SNTB2: variants seen among roughly 807,000 people sequenced by gnomAD.
The protein encoded by SNTB2 is beta-2-syntrophin.
Under a neutral mutation model 46.2 loss-of-function variants are expected in SNTB2, and 34 were observed. The observed-to-expected ratio is 0.74, with a 90% CI of 0.56 to 0.98. The LOEUF is 0.98. SNTB2 is among the 50% of genes least tolerant of loss of function. SNTB2 has a pLI of 0.00. For missense variants in SNTB2, 603 were observed against 731.4 expected (o/e 0.82, Z 2.02); for synonymous variants, 290 against 312.6 (o/e 0.93, Z 0.76).
chr16:69,250,248 C>A (rs888555553), intron 2 of SNTB2, among the ~76,000 whole-genome samples: 1 of 152,100 alleles, frequency 6.6e-6, no homozygotes, highest in Non-Finnish European at 1.5e-5. Flanking sequence ...AAAAAATATG[C>A]ATAACTTTGG....
chr16:69,209,405 C>G (rs1182868274), intron 1 of SNTB2, among the ~76,000 whole-genome samples: 2 of 152,136 alleles, frequency 1.3e-5, no homozygotes, highest in Non-Finnish European at 1.5e-5. Flanking sequence ...TTACTATAAG[C>G]TTGGTATGTT....
intron 5 of SNTB2, among the ~76,000 whole-genome samples, chr16:69,296,944 G>A (rs771449867): frequency 1.3e-5 from 2 of 151,476 alleles, no homozygotes; most frequent in Non-Finnish European, 2.9e-5. Flanking sequence ...GGAGGTTGCA[G>A]GGAGCCGAGG....
In SNTB2 at chr16:69,245,805, C is replaced by G. The variant is rs749391369; in HGVS notation, c.784C>G (p.Leu262Val). 6.2e-7 allele frequency: 1 copy of G among 1,613,970 alleles called. No individual in the cohort carries two copies. The highest frequency in any genetic ancestry group is 2.2e-5 in the East Asian group (1 of 44,874). Residue 262 changes from leucine to valine, a missense_variant, in exon 2 of 7, where the codon CTG (leucine) becomes GTG (valine). Physicochemically the swap from Leu to Val is conservative, Grantham distance 32. Coordinates refer to ENST00000336278, the MANE Select transcript of SNTB2 (RefSeq NM_006750.4). ...FAARNLSMPD[L>V]ENRLIELHSP... ...TGCTAGAAACCTAAGCATGCCGGAT[C>G]TGGAAAACAGGTGAGGTGTACCTAA...
chr16:69,201,537 A>T (rs561954843), intron 1 of SNTB2, among the ~76,000 whole-genome samples: 1 of 152,286 alleles, frequency 6.6e-6, no homozygotes, highest in East Asian at 1.9e-4. Context: ...TTTATGAAAG[A>T]GATGTGTGTT....
intron 4 of SNTB2, among the ~76,000 whole-genome samples, chr16:69,275,027 T>C (rs1597196045): frequency 6.6e-6 from 1 of 151,640 alleles, no homozygotes; most frequent in South Asian, 2.1e-4. Context: ...TCCCTTTCCT[T>C]TTCCTTTCTT....
Position 69,224,862 on chromosome 16 carries a change from A to G in SNTB2, c.581-20740A>G, listed in dbSNP as rs143496985. On this transcript the variant is annotated intron_variant, in intron 1 of 6. Transcript: ENST00000336278. Reference sequence around the variant, plus strand: ...TTTTGTTTTTATTACTTTTTCATTAAGAAAATTAATAAAACAAATTATCAG... The same window carrying G: ...TTTTGTTTTTATTACTTTTTCATTAGGAAAATTAATAAAACAAATTATCAG... Among the ~76,000 whole-genome samples the G allele has an allele frequency of 3.9e-5, 6 of 152,318 alleles. No homozygotes were observed. The East Asian group carries it at 1.2e-3, about 29-fold the overall frequency.
rs190790764 is a variant in SNTB2, at chr16:69,263,300, G to A, written c.1005+3040G>A. Among the ~76,000 whole-genome samples, 528 of 151,960 alleles carry A rather than the reference G, an allele frequency of 3.5e-3. 2 individuals carry two copies. The highest frequency in any genetic ancestry group is 4.6e-3 in the Non-Finnish European group (316 of 67,960). On this transcript the variant is annotated intron_variant, in intron 3 of 6. Transcript: ENST00000336278. ...TTTAAAATTATTTTTTGTAGAGATA[G>A]GATCTCACTGTGTTGCCCAGGCTGG... is the stretch of plus-strand genomic sequence containing the variant.
chr16:69,262,368 C>T (rs1047371840), intron 3 of SNTB2, among the ~76,000 whole-genome samples: 57 of 151,272 alleles, frequency 3.8e-4, no homozygotes, highest in African/African-American at 1.1e-3. Flanking sequence ...TGCGGTGGCG[C>T]GATCTTGGCT....
Position 69,308,395 on chromosome 16 carries a change from CTT to C in SNTB2, c.*7473_*7474del, listed in dbSNP as rs1328168110. 6.6e-6 allele frequency: 1 copy of C among 152,554 alleles called. No homozygotes were observed. The highest frequency in any genetic ancestry group is 1.5e-5 in the Non-Finnish European group (1 of 68,048). The allele number at this position is 152,554 out of a possible 1,614,324, so 9.5% of individuals were successfully genotyped here. ...ATCATCATTCTCGATGATATTCTCA[CTT>C]TGTCGCAAATCTGCCCTTATCGTAA... On this transcript the variant is annotated 3_prime_UTR_variant, in exon 7 of 7. Transcript: ENST00000336278.
At chr16:69,280,117 C>T (rs1965025414) in intron 4 of SNTB2, among the ~76,000 whole-genome samples, 1 of 152,178 alleles carries the variant, frequency 6.6e-6, no homozygotes, top group Non-Finnish European at 1.5e-5. Context: ...TCTTGCACCA[C>T]CCTTAATCCG....
chr16:69,268,226 G>A (rs964295165), intron 3 of SNTB2, among the ~76,000 whole-genome samples: 2 of 152,198 alleles, frequency 1.3e-5, no homozygotes, highest in South Asian at 4.1e-4. Flanking sequence ...CACTTTGGGA[G>A]GCTGAGGTGG....
At chr16:69,266,606 A>C (rs1964887606) in intron 3 of SNTB2, among the ~76,000 whole-genome samples, 1 of 152,236 alleles carries the variant, frequency 6.6e-6, no homozygotes, top group Non-Finnish European at 1.5e-5. Context: ...TTTAGGGCTC[A>C]AAATACCTTC....
intron 4 of SNTB2, among the ~76,000 whole-genome samples, chr16:69,276,701 A>G (rs998790759): frequency 3.3e-5 from 5 of 152,164 alleles, no homozygotes; most frequent in African/African-American, 1.2e-4. Context: ...TGTGAGTTCA[A>G]AGCTATTTTC....
At position 69,235,937 on chromosome 16, in the gene SNTB2, T is replaced by C; in HGVS notation, c.581-9665T>C. On this transcript the variant is annotated intron_variant, in intron 1 of 6. Transcript: ENST00000336278. ...GAATTACTGGTTTATCTGTGCTACATCTTAGTAAGCTCCCATTACTTTCGC... is the reference window on the plus strand; with the variant it reads ...GAATTACTGGTTTATCTGTGCTACACCTTAGTAAGCTCCCATTACTTTCGC... The C allele has an allele frequency of 7.7e-6, 8 of 1,045,610 alleles. No individual in the cohort carries two copies. The South Asian group carries it at 1.3e-4, about 17-fold the overall frequency. The allele number at this position is 1,045,610 out of a possible 1,614,324, so 64.8% of individuals were successfully genotyped here. A position where few individuals can be genotyped will look rare whatever the true frequency, so the allele number is the denominator to read the frequency against.
intron 1 of SNTB2, among the ~76,000 whole-genome samples, chr16:69,223,843 G>A (rs534396015): frequency 2.0e-5 from 3 of 151,970 alleles, no homozygotes; most frequent in East Asian, 3.9e-4. Flanking sequence ...TGTTAGCCAG[G>A]ATGGTCTTGA....
chr16:69,206,147 C>T (rs945721383), intron 1 of SNTB2, among the ~76,000 whole-genome samples: 1 of 152,050 alleles, frequency 6.6e-6, no homozygotes, highest in Non-Finnish European at 1.5e-5. Flanking sequence ...CAGGAGCGTG[C>T]CACCACTTGG....
intron 1 of SNTB2, among the ~76,000 whole-genome samples, chr16:69,188,507 G>C (rs140518399): frequency 6.6e-6 from 1 of 152,286 alleles, no homozygotes; most frequent in Non-Finnish European, 1.5e-5. Context: ...TATTCTTTAC[G>C]TTAAGTTATA....
rs541727218 is a variant in SNTB2 at position 69,297,263 on chromosome 16, C to T, written c.1346-2327C>T. On this transcript the variant is annotated intron_variant, in intron 5 of 6. Transcript: ENST00000336278. ...CAGAGGTTGCAGTCAGCTGAGATTG[C>T]GCCAGTGCACTCCAGTCTAGGTGAC... Among the ~76,000 whole-genome samples, 6 of 126,500 alleles carry T rather than the reference C, an allele frequency of 4.7e-5. No homozygotes were observed. In the East Asian group the frequency reaches 1.3e-3, roughly 28 times the overall value. 83.0% of individuals were successfully genotyped at this position (126,500 alleles called of 152,430 possible).
rs752072953 is a variant in SNTB2 at position 69,284,074 on chromosome 16, G to A, written c.1175G>A (p.Arg392Gln). The change falls in exon 5 of 7, where the codon CGA (arginine) becomes CAA (glutamine). Residue 392 changes from arginine to glutamine, a missense_variant. By Grantham distance (43) the Arg-to-Gln change is conservative (BLOSUM62 1). Transcript: ENST00000336278. ...TTGGTTCATTCTGGCTCCGGATGTC[G>A]ATCCCCCTCCCTTGGATCTGACCTT... Reference protein sequence around the residue: ...TRLVHSGSGCRSPSLGSDLTF... With the variant: ...TRLVHSGSGCQSPSLGSDLTF... 1.8e-5 allele frequency: 29 copies of A among 1,612,648 alleles called. No homozygotes were observed. Among genetic ancestry groups the A allele is most frequent in the East Asian group, 2.2e-5 (1 of 44,870 alleles).
Sources: allele counts gnomAD v4.1 joint callset (sites outside exome capture counted in the v4.1 genomes callset), GRCh38; gene constraint gnomAD v4.1.1; transcripts MANE v1.5; gene names NCBI Gene and HGNC (gene_info 2026-07-23, HGNC 2026-07-21).